The following CLHC1 variants were observed in gnomAD, a reference collection of about 807,000 sequenced individuals.
CLHC1 encodes clathrin heavy chain linker domain-containing protein 1.
A neutral mutation model predicts 69.5 loss-of-function variants in CLHC1; 72 were observed. That is an observed-to-expected ratio of 1.04 (90% CI 0.86 to 1.26). CLHC1 has a LOEUF of 1.26. Ranked by LOEUF, CLHC1 falls within the 50% of genes most tolerant of loss-of-function variation. The pLI is 0.00. For missense variants in CLHC1, 790 were observed against 679.3 expected, an observed-to-expected ratio of 1.16 and a Z score of -1.81; for synonymous variants, 223 against 224.3, an observed-to-expected ratio of 0.99 and a Z score of 0.05.
Position 55,217,920 on chromosome 2 carries a change from T to G in CLHC1, c.256A>C (p.Lys86Gln), listed in dbSNP as rs375334964. The stretch of plus-strand genomic sequence containing the variant: ...CAAAATGTAGTTCTTCGGTCTTTCT[T>G]TATTGTCTCAATAAAGGCATCATAT... ...KEYDAFIETIKKDRRTTFCLH... is the reference protein window; with the variant it reads ...KEYDAFIETIQKDRRTTFCLH... Residue 86 changes from lysine (K) to glutamine (Q), a missense_variant, in exon 4 of 13, where the codon AAG becomes CAG. Coordinates refer to ENST00000401408, the MANE Select transcript of CLHC1 (RefSeq NM_152385.4). 4.4e-6 allele frequency: 7 copies of G among 1,602,320 alleles called. No individual in the cohort carries two copies. Among genetic ancestry groups the G allele is most frequent in the Non-Finnish European group, 6.0e-6 (7 of 1,174,440 alleles).
In CLHC1 at chr2:55,173,106, T is replaced by C. The variant is rs893054737; in HGVS notation, c.*2684A>G. 2.0e-5 allele frequency among the ~76,000 whole-genome samples: 3 copies of C among 152,224 alleles called. No homozygotes were observed. The highest frequency in any genetic ancestry group is 4.4e-5 in the Non-Finnish European group (3 of 68,030). ...AGAGAAACTTAGTTCATCATGACCCTTGCTTTGCAACTGCTATGTAAAGCA... is the reference window on the plus strand; with the variant it reads ...AGAGAAACTTAGTTCATCATGACCCCTGCTTTGCAACTGCTATGTAAAGCA... On this transcript the variant is annotated 3_prime_UTR_variant, in exon 13 of 13. Transcript: ENST00000401408.
At chr2:55,223,436 G>A (rs1403905078) in intron 2 of CLHC1, among the ~76,000 whole-genome samples, 1 of 152,104 alleles carries the variant, frequency 6.6e-6, no homozygotes, top group Non-Finnish European at 1.5e-5. Flanking sequence ...CCTGGCGGGG[G>A]CGAGCGCGCT....
chr2:55,174,774 T>A lies in CLHC1; in HGVS notation c.*1016A>T, dbSNP rs948907831. 6.6e-6 allele frequency: 1 copy of A among 151,802 alleles called. No homozygotes were observed. Among genetic ancestry groups the A allele is most frequent in the African/African-American group, 2.4e-5 (1 of 41,328 alleles). 9.4% of individuals were successfully genotyped at this position (151,802 alleles called of 1,614,324 possible). A position where few individuals can be genotyped will look rare whatever the true frequency, so the allele number is the denominator to read the frequency against. On this transcript the variant is annotated 3_prime_UTR_variant, in exon 13 of 13. Transcript: ENST00000401408. ...GATCATTTTCATTTTTTACTTGAAATTTTTTTTTCTTTTTTTAATAACAGA... is the reference window on the plus strand; with the variant it reads ...GATCATTTTCATTTTTTACTTGAAAATTTTTTTTCTTTTTTTAATAACAGA...
intron 4 of CLHC1, chr2:55,216,022 T>C (rs6754605): frequency 0.98 from 147,936 of 151,670 alleles, 72,187 homozygotes; most frequent in African/African-American, 0.99. Flanking sequence ...TGCCTGTAAT[T>C]CCAGCACTTT....
chr2:55,201,380 C>G (rs1671929149), intron 9 of CLHC1, among the ~76,000 whole-genome samples: 1 of 152,044 alleles, frequency 6.6e-6, no homozygotes, highest in Non-Finnish European at 1.5e-5. Context: ...TTATAGGTTA[C>G]TATGAGCAAC....
chr2:55,175,803 T>C lies in CLHC1; in HGVS notation c.1748A>G (p.His583Arg), dbSNP rs774295121. The part of the protein sequence containing the change: ...EEDDAVNLME[H>R]VFW Reference sequence around the variant, plus strand: ...TAAGATATAGAACTACCAAAACACATGTTCCATTAGGTTGACTGCGTCATC... The same window carrying C: ...TAAGATATAGAACTACCAAAACACACGTTCCATTAGGTTGACTGCGTCATC... Residue 583 changes from histidine (H) to arginine (R), a missense_variant, in exon 13 of 13, where the codon CAT (histidine) becomes CGT (arginine). His to Arg is a conservative substitution (Grantham distance 29, BLOSUM62 0). Transcript: ENST00000401408. 3 of 1,613,624 alleles carry C rather than the reference T, an allele frequency of 1.9e-6. No individual in the cohort carries two copies. Among genetic ancestry groups the C allele is most frequent in the Non-Finnish European group, 2.5e-6 (3 of 1,179,722 alleles).
rs571372888 is a variant in CLHC1, at chr2:55,183,693, C to T, written c.1007-1949G>A. Among the ~76,000 whole-genome samples, 9 of 152,356 alleles carry T rather than the reference C, an allele frequency of 5.9e-5. No homozygotes were observed. In the South Asian group the frequency reaches 1.2e-3, roughly 21 times the overall value. ...ATAAGTGGCATGGTGCTAAAAACCC[C>T]TAAAGCTTGTATAGTGCTTTGAAAT... On this transcript the variant is annotated intron_variant, in intron 9 of 12. Transcript: ENST00000401408.
intron 1 of CLHC1, among the ~76,000 whole-genome samples, chr2:55,230,703 G>C (rs1232845051): frequency 2.0e-5 from 3 of 152,062 alleles, no homozygotes; most frequent in Non-Finnish European, 4.4e-5. Context: ...GTCTTTGAAA[G>C]GTTTTCAAAG....
At chr2:55,191,678 T>G (rs528446674) in intron 9 of CLHC1, among the ~76,000 whole-genome samples, 12 of 151,894 alleles carry the variant, frequency 7.9e-5, no homozygotes, top group Non-Finnish European at 1.5e-4. Flanking sequence ...AAAGATACAA[T>G]CTATAAAACC....
At chr2:55,221,172 G>C (rs991129698) in intron 3 of CLHC1, among the ~76,000 whole-genome samples, 20 of 152,254 alleles carry the variant, frequency 1.3e-4, no homozygotes, top group African/African-American at 4.1e-4. Flanking sequence ...TGTTTTCTCA[G>C]AGACCAACAG....
chr2:55,184,175 G>A (rs1030038758), intron 9 of CLHC1, among the ~76,000 whole-genome samples: 6 of 146,674 alleles, frequency 4.1e-5, no homozygotes, highest in African/African-American at 1.0e-4. Flanking sequence ...GCACGATCAC[G>A]GCTCACTGTA....
chr2:55,190,865 C>A (rs1295669165), intron 9 of CLHC1, among the ~76,000 whole-genome samples: 1 of 151,714 alleles, frequency 6.6e-6, no homozygotes, highest in Non-Finnish European at 1.5e-5. Context: ...ACCCACAGAT[C>A]CAAGAATCTC....
At chr2:55,221,718 T>C (rs968045534) in intron 3 of CLHC1, among the ~76,000 whole-genome samples, 5 of 152,192 alleles carry the variant, frequency 3.3e-5, no homozygotes, top group African/African-American at 1.2e-4. Context: ...TAGTTCATGC[T>C]TGTAATCCCA....
Position 55,209,408 on chromosome 2 carries a change from T to C in CLHC1, c.810A>G (p.Leu270=). ...FVEQIQKTKY[L]QGDQGIVEEL... is the part of the protein sequence containing the mutation. Reference sequence around the variant, plus strand: ...TTAAAAATATAGATAATCTACCTTGTAAATATTTGGTTTTCTGAATTTGCT... The same window carrying C: ...TTAAAAATATAGATAATCTACCTTGCAAATATTTGGTTTTCTGAATTTGCT... Residue 270 remains leucine (L), a synonymous_variant, in exon 7 of 13, where the codon TTA becomes TTG. Coordinates refer to ENST00000401408, the MANE Select transcript of CLHC1 (RefSeq NM_152385.4). 6.3e-7 allele frequency: 1 copy of C among 1,578,336 alleles called. No individual in the cohort carries two copies. Among genetic ancestry groups the C allele is most frequent in the African/African-American group, 1.4e-5 (1 of 73,552 alleles).
At chr2:55,186,595 A>G (rs1361131569) in intron 9 of CLHC1, among the ~76,000 whole-genome samples, 1 of 152,034 alleles carries the variant, frequency 6.6e-6, no homozygotes, top group African/African-American at 2.4e-5. Context: ...CTCTACAACA[A>G]CAACAACAAC....
intron 1 of CLHC1, among the ~76,000 whole-genome samples, chr2:55,230,715 G>C (rs1489118311): frequency 6.6e-6 from 1 of 152,124 alleles, no homozygotes; most frequent in Non-Finnish European, 1.5e-5. Flanking sequence ...TTTTCAAAGA[G>C]AGATGGAATG....
At chr2:55,194,205 T>A (rs1453707725) in intron 9 of CLHC1, among the ~76,000 whole-genome samples, 1 of 152,168 alleles carries the variant, frequency 6.6e-6, no homozygotes, top group Non-Finnish European at 1.5e-5. Context: ...ATGGTAATGG[T>A]TTCCCAACTC....
rs755572999 is a variant in CLHC1, at chr2:55,229,467, G to A, written c.-255-1263C>T. Among the ~76,000 whole-genome samples the A allele has an allele frequency of 3.3e-5, 5 of 152,258 alleles. No homozygotes were observed. The South Asian group carries it at 8.3e-4, about 25-fold the overall frequency. ...CATTTGAGGAACAGCTAGAGGGCCC[G>A]TGGGGCTAGAAGAGAATGAGAAAGG... On this transcript the variant is annotated intron_variant, in intron 1 of 12. Coordinates refer to ENST00000401408, the MANE Select transcript of CLHC1 (RefSeq NM_152385.4).
chr2:55,220,952 G>T (rs1485977091), intron 3 of CLHC1, among the ~76,000 whole-genome samples: 1 of 152,062 alleles, frequency 6.6e-6, no homozygotes, highest in Admixed American at 6.6e-5. Flanking sequence ...TTTTCTGTAT[G>T]ATATAAAAAG....
Sources: gnomAD v4.1 joint callset for allele counts (sites outside exome capture counted in the v4.1 genomes callset) on GRCh38, gnomAD v4.1.1 for gene constraint, MANE v1.5 for transcripts, NCBI Gene and HGNC (gene_info 2026-07-23, HGNC 2026-07-21) for gene names.